Variants in KLHL18 observed in about 807,000 individuals in gnomAD.
KLHL18 encodes the protein kelch-like protein 18.
In KLHL18, 38 loss-of-function variants were observed where a neutral mutation model predicts 58.5. That is an observed-to-expected ratio of 0.65 (90% CI 0.50 to 0.85). The LOEUF is 0.85. KLHL18 is among the 40% of genes least tolerant of loss of function. The pLI, the probability that KLHL18 is intolerant of heterozygous loss-of-function variation, is 0.00. For synonymous variants in KLHL18, 303 were observed against 301.9 expected, an observed-to-expected ratio of 1.00 and a Z score of -0.04; for missense variants, 624 against 778.4, an observed-to-expected ratio of 0.80 and a Z score of 2.36.
intron 1 of KLHL18, among the ~76,000 whole-genome samples, chr3:47,297,010 G>T (rs774933814): frequency 2.0e-5 from 3 of 152,144 alleles, no homozygotes; most frequent in Non-Finnish European, 2.9e-5. Flanking sequence ...AGTAGGAAGT[G>T]GGGGGAGGGT....
chr3:47,290,485 A>G (rs1484826254), intron 1 of KLHL18, among the ~76,000 whole-genome samples: 1 of 149,744 alleles, frequency 6.7e-6, no homozygotes, highest in Non-Finnish European at 1.5e-5. Flanking sequence ...TTTCCTTGAG[A>G]CAGGGTCTCA....
Position 47,344,330 on chromosome 3 carries a change from T to G in KLHL18, c.*389T>G. ...TGCTCTCCAGCCGAGTCTGGCCAAT[T>G]TGCCATGGGGAGGCTGCAGTGTCCA... On this transcript the variant is annotated 3_prime_UTR_variant, in exon 10 of 10. Coordinates refer to ENST00000232766, the MANE Select transcript of KLHL18 (RefSeq NM_025010.5). The G allele has an allele frequency of 7.4e-6, 2 of 268,898 alleles. No homozygotes were observed. The highest frequency in any genetic ancestry group is 1.4e-5 in the Non-Finnish European group (2 of 139,382). 16.7% of individuals were successfully genotyped at this position (268,898 alleles called of 1,614,324 possible). A position where few individuals can be genotyped will look rare whatever the true frequency, so the allele number is the denominator to read the frequency against.
At chr3:47,284,901 C>T (rs1576124955) in intron 1 of KLHL18, among the ~76,000 whole-genome samples, 1 of 152,090 alleles carries the variant, frequency 6.6e-6, no homozygotes, top group African/African-American at 2.4e-5. Context: ...TCACTGCAAC[C>T]TCCACCTCCT....
chr3:47,320,028 C>A (rs1286745605), intron 2 of KLHL18, among the ~76,000 whole-genome samples: 2 of 151,538 alleles, frequency 1.3e-5, no homozygotes, highest in Non-Finnish European at 2.9e-5. Flanking sequence ...AGGACCTAGA[C>A]TCCATGATTT....
intron 8 of KLHL18, 25 bp from the exon 9 acceptor site, chr3:47,342,694 C>T: frequency 6.3e-7 from 1 of 1,593,494 alleles, no homozygotes; most frequent in Non-Finnish European, 8.6e-7. Context: ...CATGCTTCCC[C>T]TCCTATTTTG....
chr3:47,289,354 C>T (rs1240889177), intron 1 of KLHL18, among the ~76,000 whole-genome samples: 1 of 152,124 alleles, frequency 6.6e-6, no homozygotes, highest in Non-Finnish European at 1.5e-5. Context: ...AATGTTTTTT[C>T]CATGGGTGAA....
intron 1 of KLHL18, among the ~76,000 whole-genome samples, chr3:47,308,758 T>G (rs928583801): frequency 1.9e-4 from 29 of 151,918 alleles, no homozygotes; most frequent in Non-Finnish European, 4.0e-4. Context: ...TCGTCCTCAG[T>G]GTCTATTGTT....
intron 6 of KLHL18, among the ~76,000 whole-genome samples, chr3:47,336,042 A>G (rs964944921): frequency 6.6e-6 from 1 of 152,202 alleles, no homozygotes; most frequent in Non-Finnish European, 1.5e-5. Flanking sequence ...TACTATGACT[A>G]TTTATTGAGC....
At chr3:47,337,161 A>G (rs1704006364) in intron 7 of KLHL18, 1 of 202,954 alleles carries the variant, frequency 4.9e-6, no homozygotes, top group Non-Finnish European at 1.0e-5. Context: ...ATAAAAGGAA[A>G]TCCAAGGTGT....
chr3:47,329,926 T>G (rs762974196), intron 3 of KLHL18, 25 bp from the exon 4 acceptor site: 1 of 1,605,106 alleles, frequency 6.2e-7, no homozygotes, highest in Non-Finnish European at 8.5e-7. Context: ...TCCTCTAATT[T>G]TTTTTTTCTT....
chr3:47,298,741 C>A (rs926370366), intron 1 of KLHL18, among the ~76,000 whole-genome samples: 1 of 152,192 alleles, frequency 6.6e-6, no homozygotes, highest in Admixed American at 6.5e-5. Flanking sequence ...TCTCTAATCT[C>A]TGGCAACCAT....
At chr3:47,330,545 G>T (rs762345727) in intron 4 of KLHL18, among the ~76,000 whole-genome samples, 7 of 152,058 alleles carry the variant, frequency 4.6e-5, no homozygotes, top group Non-Finnish European at 8.8e-5. Context: ...AGTGAGTTCA[G>T]CCTCCCAAAG....
chr3:47,309,842 A>T (rs1349985680), intron 1 of KLHL18, among the ~76,000 whole-genome samples: 3 of 152,222 alleles, frequency 2.0e-5, no homozygotes, highest in African/African-American at 7.2e-5. Context: ...CACCAAAAAA[A>T]TAACGAAAAC....
chr3:47,334,259 G>C lies in KLHL18; in HGVS notation c.762-424G>C, dbSNP rs563735072. ...GGAAGTGGAATGGAGGGGCAGGCCT[G>C]AGGCAGGGAAATGTGTCAGGAGCTG... On this transcript the variant is annotated intron_variant, in intron 5 of 9. Coordinates refer to ENST00000232766, the MANE Select transcript of KLHL18 (RefSeq NM_025010.5). This position sits in a 1 kb window ranked among gnomAD's most constrained non-coding sequence, Gnocchi z 4.7. Among the ~76,000 whole-genome samples the C allele has an allele frequency of 6.6e-6, 1 of 152,134 alleles. No individual in the cohort carries two copies. The highest frequency in any genetic ancestry group is 1.9e-4 in the East Asian group (1 of 5,190).
intron 7 of KLHL18, among the ~76,000 whole-genome samples, chr3:47,340,045 A>C (rs553794647): frequency 6.6e-6 from 1 of 152,318 alleles, no homozygotes; most frequent in African/African-American, 2.4e-5. Context: ...CAAGGCTCTG[A>C]TTAAAAATTA....
Position 47,340,621 on chromosome 3 carries a change from T to A in KLHL18, c.1171T>A (p.Tyr391Asn), listed in dbSNP as rs747417101. 1.2e-6 allele frequency: 2 copies of A among 1,613,986 alleles called. No homozygotes were observed. The highest frequency in any genetic ancestry group is 8.5e-7 in the Non-Finnish European group (1 of 1,179,988). ...TGGGCAGATCTACGTCTGTGGGGGCTACGATGGCAACTCTTCCCTCAGCTC... is the reference window on the plus strand; with the variant it reads ...TGGGCAGATCTACGTCTGTGGGGGCAACGATGGCAACTCTTCCCTCAGCTC... Reference protein sequence around the residue: ...LDGQIYVCGGYDGNSSLSSVE... With the variant: ...LDGQIYVCGGNDGNSSLSSVE... The change falls in exon 8 of 10, where the codon TAC becomes AAC. Residue 391 changes from tyrosine to asparagine, a missense_variant. Tyr to Asn is a moderately radical substitution (Grantham distance 143). Transcript: ENST00000232766.
In KLHL18 at chr3:47,340,677, G is replaced by T. The variant is rs1182471908; in HGVS notation, c.1226+1G>T. The stretch of plus-strand genomic sequence containing the variant: ...AGACCTACTCACCTGAGACGGACAA[G>T]TAAGGACTCCAGCTCCCTTGGGGCA... On this transcript the variant is annotated splice_donor_variant, in intron 8 of 9. Transcript: ENST00000232766. LOFTEE classifies it high-confidence loss of function. The T allele has an allele frequency of 2.5e-6, 4 of 1,613,888 alleles. No homozygotes were observed. Among genetic ancestry groups the T allele is most frequent in the Admixed American group, 1.7e-5 (1 of 59,984 alleles).
intron 7 of KLHL18, 33 bp downstream of exon 7, chr3:47,336,790 C>T (rs772166755): frequency 1.3e-6 from 2 of 1,527,672 alleles, no homozygotes; most frequent in Non-Finnish European, 1.8e-6. Context: ...CCCGAACATA[C>T]ACACTGAGCA....
intron 1 of KLHL18, among the ~76,000 whole-genome samples, chr3:47,296,777 TTAAA>T (rs1388309549): frequency 1.3e-5 from 2 of 152,172 alleles, no homozygotes; most frequent in African/African-American, 4.8e-5. Context: ...ACAGTGTTTC[TTAAA>T]TAAGTAAGAC....
Sources: gnomAD v4.1 joint callset for allele counts (sites outside exome capture counted in the v4.1 genomes callset) on GRCh38, gnomAD v4.1.1 for gene constraint, Gnocchi (gnomAD v3.1) non-coding constraint, MANE v1.5 for transcripts, NCBI Gene and HGNC (gene_info 2026-07-23, HGNC 2026-07-21) for gene names.